The following RWDD1 variants were observed in gnomAD, a reference collection of about 807,000 sequenced individuals.
RWDD1 encodes the protein RWD domain-containing protein 1.
RWDD1 carries 17 observed loss-of-function variants against 31.6 expected under a neutral mutation model. The observed-to-expected ratio is 0.54, with a 90% CI of 0.37 to 0.81. The LOEUF (loss-of-function observed/expected upper bound fraction) is 0.81. Among genes scored for constraint, RWDD1 ranks in the 30% least tolerant of loss-of-function variants. The probability of loss-of-function intolerance (pLI) is 0.00; values close to 1 mark genes in which losing one functional copy is unlikely to be tolerated. For missense variants in RWDD1, 204 were observed against 274.5 expected, an observed-to-expected ratio of 0.74 and a Z score of 1.82; for synonymous variants, 78 against 94.2, an observed-to-expected ratio of 0.83 and a Z score of 0.99.
intron 2 of RWDD1, among the ~76,000 whole-genome samples, chr6:116,582,253 GTT>G (rs35838384): frequency 1.6e-4 from 23 of 140,498 alleles, no homozygotes; most frequent in South Asian, 4.5e-4. Context: ...AGTAGAATCA[GTT>G]TTTTTTTTTT....
chr6:116,583,639 C>T (rs1236606063), intron 2 of RWDD1, among the ~76,000 whole-genome samples: 1 of 151,920 alleles, frequency 6.6e-6, no homozygotes, highest in Non-Finnish European at 1.5e-5. Flanking sequence ...TCACATTGTA[C>T]ACCTTAAATA....
chr6:116,574,450 C>A (rs112500109), intron 1 of RWDD1, among the ~76,000 whole-genome samples: 285 of 152,308 alleles, frequency 1.9e-3, no homozygotes, highest in African/African-American at 6.7e-3. Flanking sequence ...CAGACACTCC[C>A]TAACAACCAG....
chr6:116,585,479 C>G (rs60770537), intron 3 of RWDD1, among the ~76,000 whole-genome samples: 4,616 of 152,192 alleles, frequency 0.03, 97 homozygotes, highest in Middle Eastern at 0.099. Context: ...CTTGGGTAGA[C>G]AGTTTTCATG....
intron 1 of RWDD1, among the ~76,000 whole-genome samples, chr6:116,575,566 G>A (rs1774824393): frequency 6.7e-6 from 1 of 149,488 alleles, no homozygotes; most frequent in Non-Finnish European, 1.5e-5. Flanking sequence ...CCCTATTTTA[G>A]TTACTGCCCA....
chr6:116,591,384 T>G (rs1273213422), intron 6 of RWDD1, among the ~76,000 whole-genome samples: 1 of 152,208 alleles, frequency 6.6e-6, no homozygotes, highest in Non-Finnish European at 1.5e-5. Context: ...ACCAGGTTAT[T>G]GTGACTCAGG....
At chr6:116,587,888 A>G (rs1775072518) in intron 3 of RWDD1, among the ~76,000 whole-genome samples, 1 of 152,086 alleles carries the variant, frequency 6.6e-6, no homozygotes, top group Admixed American at 6.6e-5. Context: ...GATGGAGCTT[A>G]TGATGGGATG....
At chr6:116,588,218 G>C (rs1410901771) in intron 3 of RWDD1, among the ~76,000 whole-genome samples, 1 of 152,172 alleles carries the variant, frequency 6.6e-6, no homozygotes, top group African/African-American at 2.4e-5. Flanking sequence ...CCCTGTCAAA[G>C]AAATGCCTAG....
rs1240823034 is a variant in RWDD1, at chr6:116,595,727, T to C, written c.*2626T>C. On this transcript the variant is annotated 3_prime_UTR_variant, in exon 7 of 7. Coordinates refer to ENST00000466444, the MANE Select transcript of RWDD1 (RefSeq NM_015952.4). ...GAATAGAGTGCAAAATTAATTCTAA[T>C]GTATTTTAAAGTAAAGCATGAGAGT... 1 of 152,228 alleles carries C rather than the reference T, an allele frequency of 6.6e-6. No homozygotes were observed. The highest frequency in any genetic ancestry group is 2.4e-5 in the African/African-American group (1 of 41,456). The allele number at this position is 152,228 out of a possible 1,614,324, so 9.4% of individuals were successfully genotyped here. A position where few individuals can be genotyped will look rare whatever the true frequency, so the allele number is the denominator to read the frequency against.
At chr6:116,572,695 A>G (rs555998169) in intron 1 of RWDD1, among the ~76,000 whole-genome samples, 34 of 152,254 alleles carry the variant, frequency 2.2e-4, no homozygotes, top group Non-Finnish European at 3.8e-4. Flanking sequence ...CTTTCCTTTG[A>G]GTGTTGCCTA....
At chr6:116,581,259 C>A (rs1774943002) in intron 2 of RWDD1, among the ~76,000 whole-genome samples, 1 of 152,012 alleles carries the variant, frequency 6.6e-6, no homozygotes, top group South Asian at 2.1e-4. Flanking sequence ...GACTGTTCTT[C>A]AAACCATTTA....
At chr6:116,581,032 CAGTCATTAAT>C (rs1562377225) in intron 2 of RWDD1, among the ~76,000 whole-genome samples, 1 of 152,030 alleles carries the variant, frequency 6.6e-6, no homozygotes, top group Non-Finnish European at 1.5e-5. Flanking sequence ...CTGCCAGGAG[CAGTCATTAAT>C]AGCCAACTTT....
At chr6:116,572,539 G>A (rs1474824147) in intron 1 of RWDD1, 1 of 152,152 alleles carries the variant, frequency 6.6e-6, no homozygotes, top group Non-Finnish European at 1.5e-5. Context: ...TTTAGAGGAC[G>A]AGATTTCTCT....
chr6:116,583,245 G>A lies in RWDD1; in HGVS notation c.140-1482G>A, dbSNP rs1051774261. 2.6e-5 allele frequency among the ~76,000 whole-genome samples: 4 copies of A among 152,184 alleles called. No individual in the cohort carries two copies. The East Asian group carries it at 7.7e-4, about 29-fold the overall frequency. On this transcript the variant is annotated intron_variant, in intron 2 of 6. Coordinates refer to ENST00000466444, the MANE Select transcript of RWDD1 (RefSeq NM_015952.4). ...TTCTACCTTGGCTGTCCAAAGTACT[G>A]AGATTACAGGCATAAACCCCAGCGC... is the stretch of plus-strand genomic sequence containing the variant.
At chr6:116,589,062 C>T in intron 4 of RWDD1, 77 bp downstream of exon 4, 1 of 1,109,558 alleles carries the variant, frequency 9.0e-7, no homozygotes, top group Non-Finnish European at 1.1e-6. Flanking sequence ...TTTTTTTAAT[C>T]AATAGCAGTA....
intron 1 of RWDD1, among the ~76,000 whole-genome samples, chr6:116,573,291 C>T (rs1210716559): frequency 6.6e-6 from 1 of 151,992 alleles, no homozygotes; most frequent in East Asian, 1.9e-4. Context: ...TGTACTAGGC[C>T]CTGACAGCTC....
At position 116,580,334 on chromosome 6, in the gene RWDD1, C is replaced by T. The variant is rs750859193; in HGVS notation, c.113C>T (p.Thr38Met). The T allele has an allele frequency of 8.1e-5, 130 of 1,600,698 alleles. No individual in the cohort carries two copies. Among genetic ancestry groups the T allele is most frequent in the South Asian group, 7.1e-4 (63 of 89,086 alleles). The stretch of plus-strand genomic sequence containing the variant: ...CCACCCAGCTTCACCATTACTGTGA[C>T]GTCTGAGGCTGGAGAAAATGATGAA... The part of the protein sequence containing the change: ...ENPPSFTITV[T>M]SEAGENDETV... Residue 38 changes from threonine to methionine, a missense_variant, in exon 2 of 7, where the codon ACG becomes ATG. Transcript: ENST00000466444.
chr6:116,572,162 T>C (rs985836874), intron 1 of RWDD1, among the ~76,000 whole-genome samples: 5 of 79,410 alleles, frequency 6.3e-5, no homozygotes, highest in Admixed American at 1.7e-4. Flanking sequence ...TCTTTTCTTA[T>C]GAAAAAAAAA....
intron 1 of RWDD1, among the ~76,000 whole-genome samples, chr6:116,579,203 A>G (rs2115326369): frequency 6.6e-6 from 1 of 152,326 alleles, no homozygotes; most frequent in East Asian, 1.9e-4. Flanking sequence ...ATATATATTT[A>G]TGATGGCTTT....
rs1583337829 is a variant in RWDD1 at position 116,593,241 on chromosome 6, C to T, written c.*140C>T. The T allele has an allele frequency of 3.8e-6, 3 of 781,892 alleles. No individual in the cohort carries two copies. Among genetic ancestry groups the T allele is most frequent in the Non-Finnish European group, 5.6e-6 (3 of 537,016 alleles). 48.4% of individuals were successfully genotyped at this position (781,892 alleles called of 1,614,324 possible). ...TCTTCTGATAGCTTTCATCATTGAA[C>T]TTAATAAACTGACCTTAAAATTTCA... On this transcript the variant is annotated 3_prime_UTR_variant, in exon 7 of 7. Transcript: ENST00000466444.
Sources: gnomAD v4.1 joint callset for allele counts (sites outside exome capture counted in the v4.1 genomes callset) on GRCh38, gnomAD v4.1.1 for gene constraint, MANE v1.5 for transcripts, NCBI Gene and HGNC (gene_info 2026-07-23, HGNC 2026-07-21) for gene names.